The following HAUS2 variants were observed in gnomAD, a reference collection of about 807,000 sequenced individuals.
HAUS2 encodes the protein HAUS augmin like complex subunit 2.
HAUS2 carries 20 observed loss-of-function variants against 21.6 expected under a neutral mutation model. That is an observed-to-expected ratio of 0.93 (90% CI 0.65 to 1.35). The LOEUF (loss-of-function observed/expected upper bound fraction) is 1.35, where lower values mean the gene tolerates loss of function less well. Ranked by LOEUF, HAUS2 falls within the 40% of genes most tolerant of loss-of-function variation. The pLI, the probability that HAUS2 is intolerant of heterozygous loss-of-function variation, is 0.00. For synonymous variants in HAUS2, 113 were observed against 95.6 expected, an observed-to-expected ratio of 1.18 and a Z score of -1.06; for missense variants, 297 against 280.7, an observed-to-expected ratio of 1.06 and a Z score of -0.42.
intron 3 of HAUS2, among the ~76,000 whole-genome samples, 192 bp from the exon 4 acceptor site, chr15:42,561,078 T>C (rs1189814406): frequency 6.6e-6 from 1 of 152,178 alleles, no homozygotes; most frequent in African/African-American, 2.4e-5. Flanking sequence ...ATATATTAGA[T>C]ATACAAAAAC....
chr15:42,551,055 G>T lies in HAUS2; in HGVS notation c.93+2090G>T, dbSNP rs537775368. On this transcript the variant is annotated intron_variant, in intron 1 of 5. Transcript: ENST00000260372. ...CTGTTGCCCAGGCTGGAGTGCAGTG[G>T]TGTGATCTTGGCTCACTGTACCCTC... 1.9e-4 allele frequency among the ~76,000 whole-genome samples: 28 copies of T among 150,438 alleles called. No individual in the cohort carries two copies. The East Asian group carries it at 5.5e-3, about 30-fold the overall frequency.
chr15:42,565,729 C>G (rs1355124620), intron 5 of HAUS2, among the ~76,000 whole-genome samples: 1 of 152,066 alleles, frequency 6.6e-6, no homozygotes, highest in Non-Finnish European at 1.5e-5. Context: ...AACCTGGAGA[C>G]TAATTACCGT....
In HAUS2 at chr15:42,561,617, A is replaced by G. The variant is rs1368333357; in HGVS notation, c.389+215A>G. 4 of 442,486 alleles carry G rather than the reference A, an allele frequency of 9.0e-6. No individual in the cohort carries two copies. In the East Asian group the frequency reaches 1.0e-4, roughly 11 times the overall value. The allele number at this position is 442,486 out of a possible 1,614,324, so 27.4% of individuals were successfully genotyped here. On this transcript the variant is annotated intron_variant, in intron 4 of 5. Coordinates refer to ENST00000260372, the MANE Select transcript of HAUS2 (RefSeq NM_018097.3). ...ACTTGGCCATCGTGTTTTGGGAATT[A>G]TAAATTATGAGTTTAATGAAAGAAA...
At chr15:42,555,735 C>G (rs138599877) in intron 1 of HAUS2, among the ~76,000 whole-genome samples, 470 of 152,182 alleles carry the variant, frequency 3.1e-3, no homozygotes, top group African/African-American at 0.011. Flanking sequence ...TTGACTAACT[C>G]AGTAAGTGTT....
chr15:42,566,538 C>A, intron 5 of HAUS2, 69 bp from the exon 6 acceptor site: 2 of 850,332 alleles, frequency 2.4e-6, no homozygotes, highest in Admixed American at 1.9e-5. Context: ...CCTTTGGTAT[C>A]AGTTACTGAT....
chr15:42,549,023 C>G, intron 1 of HAUS2, 58 bp downstream of exon 1: 4 of 1,100,678 alleles, frequency 3.6e-6, no homozygotes, highest in Non-Finnish European at 5.4e-6. Context: ...AACAATATGG[C>G]TGTGAGTTGG....
intron 2 of HAUS2, among the ~76,000 whole-genome samples, chr15:42,558,544 G>T (rs182825255): frequency 0.012 from 1,808 of 152,024 alleles, 29 homozygotes; most frequent in South Asian, 0.03. Flanking sequence ...AGCCAGGATG[G>T]TCTCGATCTC....
At chr15:42,556,019 T>C (rs1282912933) in intron 1 of HAUS2, among the ~76,000 whole-genome samples, 7 of 151,876 alleles carry the variant, frequency 4.6e-5, no homozygotes, top group Non-Finnish European at 1.0e-4. Flanking sequence ...CGATCTCGGC[T>C]CACTGCAACC....
At chr15:42,558,555 C>T (rs1013854996) in intron 2 of HAUS2, among the ~76,000 whole-genome samples, 1 of 151,992 alleles carries the variant, frequency 6.6e-6, no homozygotes, top group Non-Finnish European at 1.5e-5. Flanking sequence ...TCTCGATCTC[C>T]TGACCCCATG....
chr15:42,560,863 G>A (rs143778310), intron 3 of HAUS2: 9 of 701,970 alleles, frequency 1.3e-5, no homozygotes, highest in South Asian at 5.9e-5. Flanking sequence ...AAAACACTGC[G>A]ATTACAGGTA....
At chr15:42,561,441 T>G in intron 4 of HAUS2, 39 bp downstream of exon 4, 1 of 1,428,564 alleles carries the variant, frequency 7.0e-7, no homozygotes, top group Middle Eastern at 1.8e-4. Flanking sequence ...TACACCTGTT[T>G]TCTGAGTTTA....
chr15:42,557,455 T>C (rs1380452658), intron 1 of HAUS2, among the ~76,000 whole-genome samples: 1 of 143,932 alleles, frequency 6.9e-6, no homozygotes, highest in African/African-American at 2.6e-5. Context: ...ATATATAATA[T>C]ATACATTGTA....
chr15:42,548,844 G>T lies in HAUS2; in HGVS notation c.-29G>T. 6.6e-7 allele frequency: 1 copy of T among 1,516,192 alleles called. No homozygotes were observed. Among genetic ancestry groups the T allele is most frequent in the Non-Finnish European group, 8.9e-7 (1 of 1,118,026 alleles). 93.9% of individuals were successfully genotyped at this position (1,516,192 alleles called of 1,614,324 possible). A position where few individuals can be genotyped will look rare whatever the true frequency, so the allele number is the denominator to read the frequency against. On this transcript the variant is annotated 5_prime_UTR_variant, in exon 1 of 6. Coordinates refer to ENST00000260372, the MANE Select transcript of HAUS2 (RefSeq NM_018097.3). Reference sequence around the variant, plus strand: ...TCGCCCTGCGATCCCGCTCACTCTTGGCGCCTTCGCGGAAGGTGCGTCCGA... The same window carrying T: ...TCGCCCTGCGATCCCGCTCACTCTTTGCGCCTTCGCGGAAGGTGCGTCCGA...
At chr15:42,560,363 C>G (rs2057836282) in intron 3 of HAUS2, among the ~76,000 whole-genome samples, 1 of 151,772 alleles carries the variant, frequency 6.6e-6, no homozygotes, top group African/African-American at 2.4e-5. Context: ...CTGCAGCTTA[C>G]TCTAAAGTGG....
chr15:42,551,406 C>T lies in HAUS2; in HGVS notation c.93+2441C>T, dbSNP rs980316008. 1.1e-4 allele frequency among the ~76,000 whole-genome samples: 17 copies of T among 151,806 alleles called. 1 individual carries two copies. The highest frequency in any genetic ancestry group is 6.3e-4 in the South Asian group (3 of 4,782). ...CTGTAATCCCAACACTTTGGGAGGC[C>T]GAGGCGGGTGGATCACCTGAGGTCA... On this transcript the variant is annotated intron_variant, in intron 1 of 5. Coordinates refer to ENST00000260372, the MANE Select transcript of HAUS2 (RefSeq NM_018097.3).
rs1200353279 is a variant in HAUS2, at chr15:42,556,261, CTTTTTTTTTTTTT to C, written c.94-1926_94-1914del. 3.9e-5 allele frequency among the ~76,000 whole-genome samples: 3 copies of C among 76,304 alleles called. No homozygotes were observed. The East Asian group carries it at 9.7e-4, about 25-fold the overall frequency. 50.1% of individuals were successfully genotyped at this position (76,304 alleles called of 152,430 possible). A position where few individuals can be genotyped will look rare whatever the true frequency, so the allele number is the denominator to read the frequency against. On this transcript the variant is annotated intron_variant, in intron 1 of 5. Coordinates refer to ENST00000260372, the MANE Select transcript of HAUS2 (RefSeq NM_018097.3). ...ACAGGTGTGAGCCACTGCGCCCAGG[CTTTTTTTTTTTTT>C]TTTTTTTTTTGAGACAGGGTCTCAC...
intron 1 of HAUS2, among the ~76,000 whole-genome samples, chr15:42,550,997 CTT>C (rs56371573): frequency 7.5e-6 from 1 of 132,798 alleles, no homozygotes. Flanking sequence ...CTTTTCTTTT[CTT>C]TTTTTTTTTT....
intron 4 of HAUS2, among the ~76,000 whole-genome samples, chr15:42,563,410 CAAAAAA>C (rs745358598): frequency 5.1e-5 from 3 of 59,346 alleles, no homozygotes; most frequent in Non-Finnish European, 1.0e-4. Context: ...GACTCCATCT[CAAAAAA>C]AAAAAAAAAA....
At chr15:42,563,339 G>A (rs558259949) in intron 4 of HAUS2, among the ~76,000 whole-genome samples, 2 of 150,252 alleles carry the variant, frequency 1.3e-5, no homozygotes, top group African/African-American at 4.9e-5. Flanking sequence ...TTGAACCCAG[G>A]AGGCAGAGGT....
Sources: gnomAD v4.1 joint callset for allele counts (sites outside exome capture counted in the v4.1 genomes callset) on GRCh38, gnomAD v4.1.1 for gene constraint, MANE v1.5 for transcripts, NCBI Gene and HGNC (gene_info 2026-07-23, HGNC 2026-07-21) for gene names.